Variants in ARHGAP40 observed in about 807,000 individuals in gnomAD.
The protein encoded by ARHGAP40 is rho GTPase-activating protein 40.
A neutral mutation model predicts 73.5 loss-of-function variants in ARHGAP40; 43 were observed. The ratio of observed to expected loss-of-function variants is 0.58; its 90% CI spans 0.46 to 0.75. The LOEUF is 0.75. ARHGAP40 is among the 30% of genes least tolerant of loss of function. The pLI, the probability that ARHGAP40 is intolerant of heterozygous loss-of-function variation, is 0.00. For synonymous variants in ARHGAP40, 300 were observed against 352.8 expected, an observed-to-expected ratio of 0.85 and a Z score of 1.68; for missense variants, 734 against 861.8, an observed-to-expected ratio of 0.85 and a Z score of 1.86.
chr20:38,644,818 C>A lies in ARHGAP40; in HGVS notation c.1569+908C>A, dbSNP rs147243338. On this transcript the variant is annotated intron_variant, in intron 11 of 14. Coordinates refer to ENST00000373345, the Ensembl canonical transcript of ARHGAP40. ...CCCATCCACTCAACCATGCATCTATCCAACTAAACCACACATCTATCCAAC... is the reference window on the plus strand; with the variant it reads ...CCCATCCACTCAACCATGCATCTATACAACTAAACCACACATCTATCCAAC... 1.3e-3 allele frequency among the ~76,000 whole-genome samples: 203 copies of A among 151,828 alleles called. 2 individuals carry two copies. In the South Asian group the frequency reaches 0.022, roughly 16 times the overall value.
rs138072885 is a variant in ARHGAP40 at position 38,607,818 on chromosome 20, G to T, written c.137+5739G>T. ...ATAGAGTTCATCCTTGTTTTATTTCGCATTGCCCTGATTACTTGCGAGGCT... is the reference window on the plus strand; with the variant it reads ...ATAGAGTTCATCCTTGTTTTATTTCTCATTGCCCTGATTACTTGCGAGGCT... On this transcript the variant is annotated intron_variant, in intron 1 of 14. Coordinates refer to ENST00000373345, the Ensembl canonical transcript of ARHGAP40. Among the ~76,000 whole-genome samples, 12 of 152,194 alleles carry T rather than the reference G, an allele frequency of 7.9e-5. No individual in the cohort carries two copies. The South Asian group carries it at 2.1e-3, about 26-fold the overall frequency.
intron 14 of ARHGAP40, among the ~76,000 whole-genome samples, chr20:38,649,172 C>T (rs1309062104): frequency 3.3e-5 from 5 of 152,260 alleles, no homozygotes; most frequent in Non-Finnish European, 4.4e-5. Flanking sequence ...CAGACTTTAC[C>T]AGAACCTCAG....
In ARHGAP40 at chr20:38,639,208, A is replaced by G. The variant is rs991787027; in HGVS notation, c.1120-19A>G. 2 of 1,304,204 alleles carry G rather than the reference A, an allele frequency of 1.5e-6. No individual in the cohort carries two copies. The highest frequency in any genetic ancestry group is 2.0e-6 in the Non-Finnish European group (2 of 988,018). The allele number at this position is 1,304,204 out of a possible 1,614,324, so 80.8% of individuals were successfully genotyped here. A position where few individuals can be genotyped will look rare whatever the true frequency, so the allele number is the denominator to read the frequency against. ...AGAGCCCTGGGCCAACTGTGTTTTC[A>G]TGCCCCGCCTTCCTGTAGGGGCTGG... On this transcript the variant is annotated intron_variant, in intron 8 of 14. Coordinates refer to ENST00000373345, the Ensembl canonical transcript of ARHGAP40.
chr20:38,627,545 T>C (rs1285889795), intron 3 of ARHGAP40, among the ~76,000 whole-genome samples: 1 of 84,296 alleles, frequency 1.2e-5, no homozygotes, highest in African/African-American at 3.9e-5. Flanking sequence ...GTGTGTGTGT[T>C]GGTGTGTGTT....
At chr20:38,648,581 G>A in intron 13 of ARHGAP40, 62 bp from the exon 14 acceptor site, 1 of 1,253,222 alleles carries the variant, frequency 8.0e-7, no homozygotes, top group Non-Finnish European at 1.1e-6. Context: ...CACAGTTGTT[G>A]GTCTTGATGT....
intron 1 of ARHGAP40, among the ~76,000 whole-genome samples, chr20:38,620,562 C>T (rs919832722): frequency 2.0e-5 from 3 of 152,196 alleles, no homozygotes; most frequent in Non-Finnish European, 2.9e-5. Context: ...CAAAGCGAAT[C>T]GCAAAGCAAC....
At chr20:38,644,044 C>A (rs1440916842) in intron 11 of ARHGAP40, 134 bp downstream of exon 11, 1 of 730,954 alleles carries the variant, frequency 1.4e-6, no homozygotes, top group East Asian at 7.0e-5. Context: ...TCTGCACAGG[C>A]CTGTGTTTTC....
Position 38,649,705 on chromosome 20 carries a change from C to T in ARHGAP40, c.1937-52C>T. 4 of 1,160,784 alleles carry T rather than the reference C, an allele frequency of 3.4e-6. No individual in the cohort carries two copies. In the Admixed American group the frequency reaches 9.2e-5, roughly 27 times the overall value. The allele number at this position is 1,160,784 out of a possible 1,614,324, so 71.9% of individuals were successfully genotyped here. ...TGGTGAAGGGCTCTGTGCAGGGGAA[C>T]AGCATCTCCTACAGCCTCCCACTCA... On this transcript the variant is annotated intron_variant, in intron 14 of 14. Coordinates refer to ENST00000373345, the Ensembl canonical transcript of ARHGAP40.
intron 1 of ARHGAP40, among the ~76,000 whole-genome samples, chr20:38,619,170 C>T (rs924042608): frequency 3.9e-5 from 6 of 152,114 alleles, no homozygotes; most frequent in African/African-American, 7.2e-5. Flanking sequence ...GAAGGAGGTA[C>T]GTGAGACGAG....
intron 5 of ARHGAP40, among the ~76,000 whole-genome samples, chr20:38,630,302 C>G (rs1204995420): frequency 6.6e-6 from 1 of 151,776 alleles, no homozygotes; most frequent in African/African-American, 2.4e-5. Context: ...TCACTGCAGC[C>G]TCAACCTCCC....
rs1044744706 is a variant in ARHGAP40, at chr20:38,614,882, C to T, written c.138-8477C>T. On this transcript the variant is annotated intron_variant, in intron 1 of 14. Transcript: ENST00000373345. ...CTCATCACGTCCTGAGCGTCACATC[C>T]CCCAGCAAGCTGCCTGCACCAGGCC... The T allele has an allele frequency of 5.6e-6, 7 of 1,255,576 alleles. No homozygotes were observed. In the Admixed American group the frequency reaches 6.8e-5, roughly 12 times the overall value. The allele number at this position is 1,255,576 out of a possible 1,614,324, so 77.8% of individuals were successfully genotyped here. A position where few individuals can be genotyped will look rare whatever the true frequency, so the allele number is the denominator to read the frequency against.
chr20:38,627,262 T>G, intron 3 of ARHGAP40, 47 bp downstream of exon 3: 1 of 1,286,126 alleles, frequency 7.8e-7, no homozygotes, highest in Non-Finnish European at 1.0e-6. Context: ...CTGGGATCTC[T>G]GTGCTGCCGC....
intron 1 of ARHGAP40, among the ~76,000 whole-genome samples, chr20:38,608,404 G>A (rs956458329): frequency 2.6e-5 from 4 of 152,006 alleles, no homozygotes; most frequent in Non-Finnish European, 5.9e-5. Context: ...CTGTCCCCTC[G>A]GGCTGTTTGC....
At chr20:38,643,731 G>A in exon 11 of ARHGAP40, 1 of 1,305,872 alleles carries the variant, frequency 7.7e-7, no homozygotes, top group Non-Finnish European at 1.0e-6. Flanking sequence ...CAGGAAGGTG[G>A]TGGCCCGGGA....
chr20:38,650,590 G>A, exon 15 of ARHGAP40: 1 of 469,176 alleles, frequency 2.1e-6, no homozygotes. Flanking sequence ...TTGTCATTTT[G>A]TAATATGATA....
exon 13 of ARHGAP40, chr20:38,647,107 A>G (rs1230558343): frequency 3.8e-6 from 5 of 1,304,848 alleles, no homozygotes; most frequent in Non-Finnish European, 4.0e-6. Context: ...CAGTGAGGAC[A>G]TGGACAGCCT....
rs1035901482 is a variant in ARHGAP40, at chr20:38,615,375, C to G, written c.138-7984C>G. On this transcript the variant is annotated intron_variant, in intron 1 of 14. Coordinates refer to ENST00000373345, the Ensembl canonical transcript of ARHGAP40. ...ACTGGTAAACCAGGGTTAAAAGGCCCCAGGTACCCACCCCAATGAGGTAGC... is the reference window on the plus strand; with the variant it reads ...ACTGGTAAACCAGGGTTAAAAGGCCGCAGGTACCCACCCCAATGAGGTAGC... 6.7e-6 allele frequency: 5 copies of G among 746,490 alleles called. No homozygotes were observed. In the East Asian group the frequency reaches 1.0e-4, roughly 15 times the overall value. The allele number at this position is 746,490 out of a possible 1,614,324, so 46.2% of individuals were successfully genotyped here.
chr20:38,637,897 G>A (rs756251970), intron 7 of ARHGAP40, 98 bp downstream of exon 7: 35 of 1,000,332 alleles, frequency 3.5e-5, no homozygotes, highest in Non-Finnish European at 4.7e-5. Context: ...GTGAAAGGAT[G>A]TGCTTTAGAA....
chr20:38,618,774 T>C (rs1253051552), intron 1 of ARHGAP40, among the ~76,000 whole-genome samples: 2 of 151,058 alleles, frequency 1.3e-5, no homozygotes, highest in African/African-American at 4.9e-5. Flanking sequence ...AAGCAGAGAG[T>C]GAGAGAGCCA....
Sources: allele counts gnomAD v4.1 joint callset (sites outside exome capture counted in the v4.1 genomes callset), GRCh38; gene constraint gnomAD v4.1.1; transcripts MANE v1.5; gene names NCBI Gene and HGNC (gene_info 2026-07-23, HGNC 2026-07-21).